Variants in IDE observed in about 807,000 individuals in gnomAD.
The protein encoded by IDE is insulin-degrading enzyme.
IDE carries 58 observed loss-of-function variants against 133.2 expected under a neutral mutation model. The ratio of observed to expected loss-of-function variants is 0.44; its 90% confidence interval spans 0.35 to 0.54. The LOEUF (loss-of-function observed/expected upper bound fraction) is 0.54, where lower values mean the gene tolerates loss of function less well. Among genes scored for constraint, IDE ranks in the 20% least tolerant of loss-of-function variants. The pLI is 0.00. For missense variants in IDE, 981 were observed against 1,234.0 expected (o/e 0.79, Z 3.07); for synonymous variants, 396 against 421.3 (o/e 0.94, Z 0.73).
chr10:92,549,029 G>A (rs1014808425), intron 1 of IDE, among the ~76,000 whole-genome samples: 4 of 151,926 alleles, frequency 2.6e-5, no homozygotes, highest in Non-Finnish European at 4.4e-5. Context: ...AGGCTGAGGC[G>A]GGCGGATCAC....
At chr10:92,518,014 T>C (rs1007435359) in intron 4 of IDE, among the ~76,000 whole-genome samples, 1 of 152,018 alleles carries the variant, frequency 6.6e-6, no homozygotes, top group African/African-American at 2.4e-5. Context: ...ATTCTCTCAC[T>C]CTACCTGAGG....
At chr10:92,465,501 A>G (rs929432026) in intron 20 of IDE, among the ~76,000 whole-genome samples, 175 bp downstream of exon 20, 2 of 152,204 alleles carry the variant, frequency 1.3e-5, no homozygotes, top group Non-Finnish European at 2.9e-5. Context: ...AATGTCCATA[A>G]GATAGTGATT....
chr10:92,503,181 C>A (rs1371349005), intron 11 of IDE, among the ~76,000 whole-genome samples: 3 of 152,008 alleles, frequency 2.0e-5, no homozygotes, highest in African/African-American at 7.2e-5. Context: ...GGCTGTAATC[C>A]CAGCACTTTG....
chr10:92,553,442 T>C (rs998957594), intron 1 of IDE, among the ~76,000 whole-genome samples: 5 of 148,306 alleles, frequency 3.4e-5, no homozygotes, highest in African/African-American at 1.2e-4. Flanking sequence ...AAAAAAAGAA[T>C]ACCAATCTTT....
chr10:92,470,900 G>A (rs2135375147), intron 17 of IDE, among the ~76,000 whole-genome samples: 1 of 152,276 alleles, frequency 6.6e-6, no homozygotes, highest in African/African-American at 2.4e-5. Context: ...ACTTGGTTAA[G>A]GTGGTGTCTG....
At chr10:92,524,373 TATTATATATAA>T (rs1215256257) in intron 4 of IDE, among the ~76,000 whole-genome samples, 4 of 94,646 alleles carry the variant, frequency 4.2e-5, no homozygotes, top group African/African-American at 8.5e-5. Flanking sequence ...TTATAATATA[TATTATATATAA>T]TATATTTTAT....
At chr10:92,566,663 GAA>G in intron 1 of IDE, among the ~76,000 whole-genome samples, 1 of 135,898 alleles carries the variant, frequency 7.4e-6, no homozygotes, top group East Asian at 2.1e-4. Flanking sequence ...GGGTACCAAA[GAA>G]AAAAAAAAAG....
rs943391767 is a variant in IDE, at chr10:92,465,603, T to C, written c.2488+73A>G. On this transcript the variant is annotated intron_variant, in intron 20 of 24. Coordinates refer to ENST00000265986, the MANE Select transcript of IDE (RefSeq NM_004969.4). ...TGATATACAGTGTTAGGTGAAAATG[T>C]GGAAAATGTTTTACAGGGAAAATAA... The C allele has an allele frequency of 6.7e-6, 9 of 1,345,020 alleles. No homozygotes were observed. In the Admixed American group the frequency reaches 1.7e-4, roughly 25 times the overall value. The allele number at this position is 1,345,020 out of a possible 1,614,324, so 83.3% of individuals were successfully genotyped here. A position where few individuals can be genotyped will look rare whatever the true frequency, so the allele number is the denominator to read the frequency against.
intron 1 of IDE, among the ~76,000 whole-genome samples, chr10:92,563,253 G>C (rs1303202302): frequency 6.9e-6 from 1 of 144,756 alleles, no homozygotes; most frequent in Non-Finnish European, 1.6e-5. Context: ...CTCCACCTCG[G>C]GGGGGAAAAA....
intron 1 of IDE, among the ~76,000 whole-genome samples, chr10:92,551,776 T>C (rs1842795704): frequency 6.6e-6 from 1 of 151,948 alleles, no homozygotes; most frequent in Non-Finnish European, 1.5e-5. Flanking sequence ...GTTCTAGAGA[T>C]GGATGATGGT....
intron 4 of IDE, among the ~76,000 whole-genome samples, chr10:92,522,856 C>G (rs1849306912): frequency 6.6e-6 from 1 of 152,070 alleles, no homozygotes; most frequent in Non-Finnish European, 1.5e-5. Flanking sequence ...TAGCATAGCA[C>G]TCAATAAAAA....
rs1398331741 is a variant in IDE at position 92,453,797 on chromosome 10, TGTAAG to T, written c.*642_*646del. 8 of 152,298 alleles carry T rather than the reference TGTAAG, an allele frequency of 5.3e-5. No individual in the cohort carries two copies. Among genetic ancestry groups the T allele is most frequent in the African/African-American group, 1.9e-4 (8 of 41,570 alleles). 9.4% of individuals were successfully genotyped at this position (152,298 alleles called of 1,614,324 possible). Reference sequence around the variant, plus strand: ...GAAATTCGGTTTAGGACAAAATTGATGTAAGGTAAGTCTGTATTTCTAGCATTGTA... The same window carrying T: ...GAAATTCGGTTTAGGACAAAATTGATGTAAGTCTGTATTTCTAGCATTGTA... On this transcript the variant is annotated 3_prime_UTR_variant, in exon 25 of 25. Transcript: ENST00000265986.
chr10:92,478,641 T>C, intron 15 of IDE: 1 of 1,207,340 alleles, frequency 8.3e-7, no homozygotes, highest in South Asian at 1.5e-5. Context: ...TTCATTTTAC[T>C]TACAAGTATT....
At position 92,524,319 on chromosome 10, in the gene IDE, AATATATTATT is replaced by A. The variant is rs754134013; in HGVS notation, c.661+7419_661+7428del. Among the ~76,000 whole-genome samples the A allele has an allele frequency of 5.0e-3, 354 of 71,492 alleles. 6 individuals are homozygous for A. Among genetic ancestry groups the A allele is most frequent in the East Asian group, 1.0e-2 (31 of 3,106 alleles). The allele number at this position is 71,492 out of a possible 152,430, so 46.9% of individuals were successfully genotyped here. ...GACTCTATCTCAAAAAAATATATAT[AATATATTATT>A]ATATATATTATATTATATATAATAT... On this transcript the variant is annotated intron_variant, in intron 4 of 24. Transcript: ENST00000265986.
chr10:92,465,925 T>A, intron 19 of IDE, 82 bp from the exon 20 acceptor site: 3 of 1,131,530 alleles, frequency 2.7e-6, no homozygotes, highest in Non-Finnish European at 4.0e-6. Context: ...TGCCCACACT[T>A]ACAGATGATA....
At chr10:92,456,453 G>GTCACCCTT (rs1845012142) in intron 22 of IDE, 22 bp from the exon 23 acceptor site, 1 of 1,580,734 alleles carries the variant, frequency 6.3e-7, no homozygotes, top group African/African-American at 1.3e-5. Flanking sequence ...GAAGAGCAGG[G>GTCACCCTT]TCACCCTTTT....
intron 6 of IDE, among the ~76,000 whole-genome samples, chr10:92,509,549 C>T (rs1220066959): frequency 6.6e-6 from 1 of 151,876 alleles, no homozygotes; most frequent in African/African-American, 2.4e-5. Context: ...GCCACGATCG[C>T]GCCGCTGCAC....
intron 2 of IDE, among the ~76,000 whole-genome samples, chr10:92,535,373 G>T (rs1346170607): frequency 6.6e-6 from 1 of 152,174 alleles, no homozygotes; most frequent in Non-Finnish European, 1.5e-5. Context: ...AAAGTGCTGG[G>T]ATTATAGGCT....
rs756385714 is a variant in IDE at position 92,506,468 on chromosome 10, T to C, written c.1300A>G (p.Thr434Ala). Reference sequence around the variant, plus strand: ...TGCAATATTCCTGCAATCTTAGATGTATAGCCCCGTGGCCTCTCTTTGTCT... The same window carrying C: ...TGCAATATTCCTGCAATCTTAGATGCATAGCCCCGTGGCCTCTCTTTGTCT... ...FKDKERPRGY[T>A]SKIAGILHYY... Residue 434 changes from threonine to alanine, a missense_variant, in exon 10 of 25, where the codon ACA becomes GCA. Coordinates refer to ENST00000265986, the MANE Select transcript of IDE (RefSeq NM_004969.4). The C allele has an allele frequency of 2.0e-5, 31 of 1,587,314 alleles. No homozygotes were observed. The highest frequency in any genetic ancestry group is 2.4e-5 in the Non-Finnish European group (28 of 1,157,336).
Sources: gnomAD v4.1 joint callset for allele counts (sites outside exome capture counted in the v4.1 genomes callset) on GRCh38, gnomAD v4.1.1 for gene constraint, MANE v1.5 for transcripts, NCBI Gene and HGNC (gene_info 2026-07-23, HGNC 2026-07-21) for gene names.